The following PGS1 variants were observed in gnomAD, a reference collection of about 807,000 sequenced individuals.
PGS1 encodes phosphatidylglycerophosphate synthase 1.
In PGS1, 44 loss-of-function variants were observed where a neutral mutation model predicts 58.3. That is an observed-to-expected ratio of 0.75 (90% CI 0.59 to 0.97). The LOEUF (loss-of-function observed/expected upper bound fraction) is 0.97, where lower values mean the gene tolerates loss of function less well. Ranked by LOEUF, PGS1 falls within the 50% of genes least tolerant of loss-of-function variation. PGS1 has a pLI of 0.00. For missense variants in PGS1, 684 were observed against 731.1 expected, an observed-to-expected ratio of 0.94 and a Z score of 0.74; for synonymous variants, 330 against 311.0, an observed-to-expected ratio of 1.06 and a Z score of -0.64.
chr17:78,411,897 T>G (rs190198831), intron 7 of PGS1, among the ~76,000 whole-genome samples: 27 of 124,852 alleles, frequency 2.2e-4, no homozygotes, highest in African/African-American at 7.6e-4. Context: ...ACTAAAGGGC[T>G]CCTGCTTTTT....
At chr17:78,392,773 T>C (rs2082921111) in intron 2 of PGS1, 108 bp downstream of exon 2, 5 of 836,294 alleles carry the variant, frequency 6.0e-6, no homozygotes, top group Non-Finnish European at 7.6e-6. Flanking sequence ...TGCTCAAGCT[T>C]ATTCCTTCTG....
chr17:78,380,729 A>C (rs549971260), intron 1 of PGS1: 1 of 152,368 alleles, frequency 6.6e-6, no homozygotes, highest in African/African-American at 2.4e-5. Flanking sequence ...ACTATATGAA[A>C]AACACTTCAT....
intron 3 of PGS1, among the ~76,000 whole-genome samples, chr17:78,397,681 C>T (rs116876036): frequency 0.062 from 9,418 of 152,108 alleles, 391 homozygotes; most frequent in Middle Eastern, 0.11. Context: ...GTGATGTGCC[C>T]ACCTTGGCCT....
At chr17:78,387,557 C>T (rs953317574) in intron 1 of PGS1, among the ~76,000 whole-genome samples, 1 of 151,324 alleles carries the variant, frequency 6.6e-6, no homozygotes, top group Admixed American at 6.6e-5. Flanking sequence ...CCTTGGCCTC[C>T]CAAAGTGTTG....
rs11449829 is a variant in PGS1, at chr17:78,423,105, GA to G, written c.*11-942del. 2.5e-3 allele frequency among the ~76,000 whole-genome samples: 340 copies of G among 137,514 alleles called. 4 individuals carry two copies. Among genetic ancestry groups the G allele is most frequent in the African/African-American group, 8.7e-3 (315 of 36,308 alleles). The allele number at this position is 137,514 out of a possible 152,430, so 90.2% of individuals were successfully genotyped here. A position where few individuals can be genotyped will look rare whatever the true frequency, so the allele number is the denominator to read the frequency against. On this transcript the variant is annotated intron_variant, in intron 9 of 9. Transcript: ENST00000262764. ...AAGAGTGAAACTCTCACTCTCCCTC[GA>G]AAAAAAAAAAAAATGTTGATCCTGT... is the stretch of plus-strand genomic sequence containing the variant.
At chr17:78,401,734 A>G (rs1354082979) in intron 6 of PGS1, among the ~76,000 whole-genome samples, 1 of 152,182 alleles carries the variant, frequency 6.6e-6, no homozygotes, top group East Asian at 1.9e-4. Flanking sequence ...GCCTGCCGCC[A>G]TGCACTGTTC....
intron 8 of PGS1, among the ~76,000 whole-genome samples, chr17:78,416,350 C>T (rs771307962): frequency 1.3e-5 from 2 of 152,262 alleles, no homozygotes; most frequent in Admixed American, 6.5e-5. Context: ...GCGGGCTTTC[C>T]TGGACTTCTA....
intron 8 of PGS1, among the ~76,000 whole-genome samples, chr17:78,416,696 G>T (rs1277585420): frequency 6.6e-6 from 1 of 152,246 alleles, no homozygotes; most frequent in African/African-American, 2.4e-5. Flanking sequence ...AGGGTGGAGG[G>T]TGGTAGGTCT....
rs1176415978 is a variant in PGS1, at chr17:78,400,860, G to A, written c.880+5G>A. 1 of 1,587,324 alleles carries A rather than the reference G, an allele frequency of 6.3e-7. No individual in the cohort carries two copies. Among genetic ancestry groups the A allele is most frequent in the African/African-American group, 1.3e-5 (1 of 74,566 alleles). On this transcript the variant is annotated splice_donor_5th_base_variant and intron_variant, in intron 6 of 9. Coordinates refer to ENST00000262764, the MANE Select transcript of PGS1 (RefSeq NM_024419.5). This position sits in a 1 kb window ranked among gnomAD's most constrained non-coding sequence, Gnocchi z 4.4. The stretch of plus-strand genomic sequence containing the variant: ...GGATGGTGCATCCTTACAAAGGTAG[G>A]GGCTGCCGCTGACACCCTTCTATGG...
At chr17:78,404,426 G>GTGCCAACAGGCA (rs1567978379) in intron 7 of PGS1, among the ~76,000 whole-genome samples, 1 of 151,216 alleles carries the variant, frequency 6.6e-6, no homozygotes. Flanking sequence ...GACTACAGGC[G>GTGCCAACAGGCA]CGTGCCACCA....
intron 4 of PGS1, among the ~76,000 whole-genome samples, chr17:78,398,943 G>T (rs1430143674): frequency 2.6e-5 from 4 of 152,230 alleles, no homozygotes; most frequent in Non-Finnish European, 4.4e-5. Context: ...CTGGGAGCTT[G>T]GAGTGTGCCG....
At chr17:78,407,269 A>G (rs2084235043) in intron 7 of PGS1, among the ~76,000 whole-genome samples, 2 of 152,164 alleles carry the variant, frequency 1.3e-5, no homozygotes, top group African/African-American at 2.4e-5. Context: ...AAAGCCAGGA[A>G]CCAGAGGTCA....
intron 1 of PGS1, among the ~76,000 whole-genome samples, chr17:78,389,668 C>T (rs1236851008): frequency 6.6e-6 from 1 of 151,912 alleles, no homozygotes; most frequent in Non-Finnish European, 1.5e-5. Flanking sequence ...GGCTGGCATG[C>T]AGTGGTGCAA....
At chr17:78,394,574 A>G (rs2083084179) in intron 2 of PGS1, among the ~76,000 whole-genome samples, 1 of 151,268 alleles carries the variant, frequency 6.6e-6, no homozygotes, top group African/African-American at 2.4e-5. Flanking sequence ...TTTTTTTTTA[A>G]GACGGAGTTT....
chr17:78,420,100 T>C, intron 9 of PGS1: 1 of 1,045,218 alleles, frequency 9.6e-7, no homozygotes, highest in Non-Finnish European at 1.2e-6. Flanking sequence ...CTCGTGAGAG[T>C]GGCTCTGGCT....
intron 2 of PGS1, among the ~76,000 whole-genome samples, chr17:78,395,142 A>C (rs2083133732): frequency 6.6e-6 from 1 of 152,228 alleles, no homozygotes; most frequent in African/African-American, 2.4e-5. Flanking sequence ...AAGGGAGGAC[A>C]GTGCTGGTTT....
chr17:78,383,281 CTT>C (rs1443777839), intron 1 of PGS1, among the ~76,000 whole-genome samples: 1 of 150,980 alleles, frequency 6.6e-6, no homozygotes, highest in Non-Finnish European at 1.5e-5. Flanking sequence ...GAGTTTCACT[CTT>C]GATGCCCAGG....
chr17:78,424,036 T>G (rs2086261260), intron 9 of PGS1, 25 bp from the exon 10 acceptor site: 1 of 1,613,956 alleles, frequency 6.2e-7, no homozygotes, highest in Non-Finnish European at 8.5e-7. Context: ...CTCATAGATG[T>G]TCTTGGTCTC....
At chr17:78,393,923 C>G (rs1186173871) in intron 2 of PGS1, among the ~76,000 whole-genome samples, 1 of 151,190 alleles carries the variant, frequency 6.6e-6, no homozygotes, top group Non-Finnish European at 1.5e-5. Context: ...GGGGCCTATG[C>G]CTGTAATCCC....
Sources: gnomAD v4.1 joint callset for allele counts (sites outside exome capture counted in the v4.1 genomes callset) on GRCh38, gnomAD v4.1.1 for gene constraint, Gnocchi (gnomAD v3.1) non-coding constraint, MANE v1.5 for transcripts, NCBI Gene and HGNC (gene_info 2026-07-23, HGNC 2026-07-21) for gene names.